Variants in RXRG observed in about 807,000 individuals in gnomAD.
RXRG encodes the protein retinoic acid receptor RXR-gamma.
In RXRG, 19 loss-of-function variants were observed where a neutral mutation model predicts 49.2. The ratio of observed to expected loss-of-function variants is 0.39; its 90% CI spans 0.27 to 0.57. The LOEUF (loss-of-function observed/expected upper bound fraction) is 0.57, where lower values mean the gene tolerates loss of function less well. Among genes scored for constraint, RXRG ranks in the 20% least tolerant of loss-of-function variants. The probability of loss-of-function intolerance (pLI) is 0.64; values close to 1 mark genes in which losing one functional copy is unlikely to be tolerated. For synonymous variants in RXRG, 224 were observed against 216.6 expected (o/e 1.03, Z -0.30); for missense variants, 452 against 592.5 (o/e 0.76, Z 2.46).
chr1:165,409,711 TCTTGAGGGAAAA>T, intron 6 of RXRG, 21 bp from the exon 7 acceptor site: 1 of 1,460,636 alleles, frequency 6.8e-7, no homozygotes, highest in Non-Finnish European at 9.1e-7. Flanking sequence ...AAGGAGGAGG[TCTTGAGGGAAAA>T]CAGAACACAT....
intron 3 of RXRG, among the ~76,000 whole-genome samples, chr1:165,418,422 G>A (rs1658203437): frequency 6.6e-6 from 1 of 152,196 alleles, no homozygotes; most frequent in Non-Finnish European, 1.5e-5. Context: ...TTCTTTGAAT[G>A]TAATATGTGA....
At chr1:165,424,674 A>C (rs1431833914) in intron 2 of RXRG, 1 of 516,580 alleles carries the variant, frequency 1.9e-6, no homozygotes, top group East Asian at 1.5e-4. Flanking sequence ...ATGACAGAGC[A>C]CAGAGGAGAC....
chr1:165,426,130 G>C (rs955639702), intron 2 of RXRG, among the ~76,000 whole-genome samples: 3 of 152,242 alleles, frequency 2.0e-5, no homozygotes, highest in Non-Finnish European at 2.9e-5. Flanking sequence ...ATTTGAGCAA[G>C]AGTGGGGCAG....
chr1:165,442,160 G>C (rs1659027677), intron 1 of RXRG, among the ~76,000 whole-genome samples: 2 of 152,186 alleles, frequency 1.3e-5, no homozygotes, highest in Non-Finnish European at 2.9e-5. Flanking sequence ...GCTGCACTGT[G>C]GCAGGGGAGG....
At chr1:165,438,005 T>A (rs1658866153) in intron 1 of RXRG, among the ~76,000 whole-genome samples, 1 of 152,218 alleles carries the variant, frequency 6.6e-6, no homozygotes, top group Non-Finnish European at 1.5e-5. Flanking sequence ...AGGGCCACTT[T>A]ATCACTCTAA....
At chr1:165,416,085 C>T (rs1658117520) in intron 4 of RXRG, among the ~76,000 whole-genome samples, 2 of 152,052 alleles carry the variant, frequency 1.3e-5, no homozygotes, top group South Asian at 2.1e-4. Flanking sequence ...CACAAAGAGC[C>T]CCTCTTCATT....
chr1:165,414,909 C>A (rs1368303024), intron 4 of RXRG, among the ~76,000 whole-genome samples: 1 of 152,210 alleles, frequency 6.6e-6, no homozygotes, highest in Non-Finnish European at 1.5e-5. Flanking sequence ...CTTCTGATTT[C>A]AGCATTCAGT....
intron 3 of RXRG, among the ~76,000 whole-genome samples, chr1:165,418,162 CT>C (rs1658192744): frequency 7.0e-6 from 1 of 141,910 alleles, no homozygotes; most frequent in Admixed American, 7.1e-5. Flanking sequence ...TTAATCCAGA[CT>C]AATTTGTTGC....
chr1:165,439,521 C>G (rs886137739), intron 1 of RXRG, among the ~76,000 whole-genome samples: 2 of 152,244 alleles, frequency 1.3e-5, no homozygotes, highest in African/African-American at 4.8e-5. Flanking sequence ...AGCGTCAACC[C>G]ATCAGCTAAT....
rs573295132 is a variant in RXRG, at chr1:165,425,765, C to T, written c.297+2954G>A. ...TATTAAGCAGTTTATAATTCACTCT[C>T]TTTGCTCCCTTCAGGTCTGCTCCTG... On this transcript the variant is annotated intron_variant, in intron 2 of 9. Coordinates refer to ENST00000359842, the MANE Select transcript of RXRG (RefSeq NM_006917.5). 3.3e-5 allele frequency among the ~76,000 whole-genome samples: 5 copies of T among 152,358 alleles called. No individual in the cohort carries two copies. The South Asian group carries it at 1.0e-3, about 32-fold the overall frequency.
intron 2 of RXRG, among the ~76,000 whole-genome samples, chr1:165,420,700 C>G (rs1318215624): frequency 6.6e-6 from 1 of 152,178 alleles, no homozygotes; most frequent in Non-Finnish European, 1.5e-5. Context: ...TCCCAGTGCT[C>G]TTGGTAAGAT....
Position 165,417,181 on chromosome 1 carries a change from C to G in RXRG, c.482G>C (p.Gly161Ala). The G allele has an allele frequency of 6.2e-7, 1 of 1,614,024 alleles. No homozygotes were observed. Among genetic ancestry groups the G allele is most frequent in the Non-Finnish European group, 8.5e-7 (1 of 1,179,956 alleles). ...YGVYSCEGCK[G>A]FFKRTIRKDL... is the part of the protein sequence containing the mutation. ...CTTCCTTATCGTCCTCTTGAAGAAC[C>G]CTTTGCAGCCTTCACAACTGTATAC... Residue 161 changes from glycine to alanine, a missense_variant, in exon 4 of 10, where the codon GGG becomes GCG. Transcript: ENST00000359842.
chr1:165,444,059 G>A (rs992616123), intron 1 of RXRG, among the ~76,000 whole-genome samples: 1 of 152,160 alleles, frequency 6.6e-6, no homozygotes, highest in Non-Finnish European at 1.5e-5. Flanking sequence ...GTGCTTGGGC[G>A]TTAAGGCAGC....
Position 165,411,040 on chromosome 1 carries a change from T to G in RXRG, c.692A>C (p.His231Pro), listed in dbSNP as rs1447136401. The change falls in exon 5 of 10, where the codon CAT becomes CCT. Residue 231 changes from histidine to proline, a missense_variant. Around this residue, in one of 2 missense-constraint regions of RXRG, gnomAD observed 286 missense variants for 440.9 expected, o/e 0.65. Coordinates refer to ENST00000359842, the MANE Select transcript of RXRG (RefSeq NM_006917.5). ...AATCCTCTCCACAGGCATGTCTTCA[T>G]GACCACTGGTAGCACATTCTGCCTC... ...ESEAECATSG[H>P]EDMPVERILE... 3 of 1,614,178 alleles carry G rather than the reference T, an allele frequency of 1.9e-6. No individual in the cohort carries two copies. Among genetic ancestry groups the G allele is most frequent in the Non-Finnish European group, 1.7e-6 (2 of 1,180,010 alleles).
intron 1 of RXRG, among the ~76,000 whole-genome samples, chr1:165,439,355 C>T (rs1658912333): frequency 6.6e-6 from 1 of 151,958 alleles, no homozygotes; most frequent in Non-Finnish European, 1.5e-5. Flanking sequence ...CTCTCTCCCT[C>T]CCCCTTCCTT....
chr1:165,411,866 A>G (rs1414947629), intron 4 of RXRG, among the ~76,000 whole-genome samples: 2 of 152,186 alleles, frequency 1.3e-5, no homozygotes, highest in Admixed American at 1.3e-4. Context: ...CTCCAATTCT[A>G]TGCTCTTCAT....
chr1:165,401,521 A>G, intron 9 of RXRG, 111 bp from the exon 10 acceptor site: 1 of 1,183,354 alleles, frequency 8.5e-7, no homozygotes, highest in Non-Finnish European at 1.2e-6. Context: ...GTGATAAAAG[A>G]GCTGGAAGGG....
intron 1 of RXRG, chr1:165,437,285 A>G (rs1658845587): frequency 7.9e-7 from 1 of 1,265,640 alleles, no homozygotes; most frequent in African/African-American, 1.5e-5. Context: ...GTAAGACACC[A>G]AGAGCATGAA....
At chr1:165,437,298 C>G in intron 1 of RXRG, 1 of 1,138,160 alleles carries the variant, frequency 8.8e-7, no homozygotes. Context: ...AGCATGAAGC[C>G]CATTCCCTGC....
Sources: gnomAD v4.1 joint callset for allele counts (sites outside exome capture counted in the v4.1 genomes callset) on GRCh38, gnomAD v4.1.1 for gene constraint, gnomAD v4.1.1 regional missense constraint, MANE v1.5 for transcripts, NCBI Gene and HGNC (gene_info 2026-07-23, HGNC 2026-07-21) for gene names.